HCN4: variants seen among roughly 807,000 people sequenced by gnomAD.
The protein encoded by HCN4 is hyperpolarization activated cyclic nucleotide gated potassium channel 4, also known as potassium/sodium hyperpolarization-activated cyclic nucleotide-gated channel 4.
A neutral mutation model predicts 76.9 loss-of-function variants in HCN4; 29 were observed. The ratio of observed to expected loss-of-function variants is 0.38; its 90% confidence interval spans 0.28 to 0.51. The LOEUF is 0.51. Among genes scored for constraint, HCN4 ranks in the 20% least tolerant of loss-of-function variants. The probability of loss-of-function intolerance (pLI) is 0.90; values close to 1 mark genes in which losing one functional copy is unlikely to be tolerated. For missense variants in HCN4, 1,416 were observed against 1,715.2 expected, an observed-to-expected ratio of 0.83 and a Z score of 3.08; for synonymous variants, 772 against 762.5, an observed-to-expected ratio of 1.01 and a Z score of -0.21.
chr15:73,364,622 T>TG, intron 1 of HCN4, among the ~76,000 whole-genome samples: 1 of 150,184 alleles, frequency 6.7e-6, no homozygotes, highest in South Asian at 2.1e-4. Context: ...AAAAGGCAGA[T>TG]GGGGAGTTGG....
intron 4 of HCN4, among the ~76,000 whole-genome samples, chr15:73,327,760 C>T (rs1437752132): frequency 2.0e-5 from 3 of 152,172 alleles, no homozygotes; most frequent in African/African-American, 4.8e-5. Context: ...TGCTCATCCT[C>T]ATCCTGATGC....
At position 73,322,982 on chromosome 15, in the gene HCN4, G is replaced by A; in HGVS notation, c.3111C>T (p.Thr1037=). The part of the protein sequence containing the change: ...PPGHSPGPPR[T]FPSAPPRASG... ...AGGCCCGGGGCGGGGCACTCGGGAA[G>A]GTTCTTGGGGGGCCTGGGCTGTGGC... Residue 1037 remains threonine, a synonymous_variant, in exon 8 of 8, where the codon ACC becomes ACT. Coordinates refer to ENST00000261917, the MANE Select transcript of HCN4 (RefSeq NM_005477.3). The A allele has an allele frequency of 1.4e-6, 2 of 1,446,646 alleles. No individual in the cohort carries two copies. Among genetic ancestry groups the A allele is most frequent in the Non-Finnish European group, 1.8e-6 (2 of 1,099,272 alleles). 89.6% of individuals were successfully genotyped at this position (1,446,646 alleles called of 1,614,324 possible).
Position 73,367,395 on chromosome 15 carries a change from G to A in HCN4, c.785+91C>T. ...TCTTGGAGCTCCCAGCGCAAGGCAG[G>A]AAAGTTAACTCCGGCTGGGAGGCAG... On this transcript the variant is annotated intron_variant, in intron 1 of 7. Transcript: ENST00000261917. This position sits in a 1 kb window ranked among gnomAD's most constrained non-coding sequence, Gnocchi z 7.5. 6.3e-7 allele frequency: 1 copy of A among 1,587,706 alleles called. No homozygotes were observed. Among genetic ancestry groups the A allele is most frequent in the Non-Finnish European group, 8.6e-7 (1 of 1,167,340 alleles).
intron 1 of HCN4, among the ~76,000 whole-genome samples, chr15:73,356,819 C>T (rs2043083357): frequency 6.6e-6 from 1 of 151,958 alleles, no homozygotes; most frequent in African/African-American, 2.4e-5. Flanking sequence ...TCCTCACAAC[C>T]CACAAGGAAA....
chr15:73,353,039 T>C (rs1042894045), intron 1 of HCN4, among the ~76,000 whole-genome samples: 5 of 151,914 alleles, frequency 3.3e-5, no homozygotes, highest in African/African-American at 1.2e-4. Context: ...GATGGATGGA[T>C]GGATGGATGG....
In HCN4 at chr15:73,320,775, T is replaced by TC. The variant is rs781306650; in HGVS notation, c.*1705dup. On this transcript the variant is annotated 3_prime_UTR_variant, in exon 8 of 8. Transcript: ENST00000261917. Reference sequence around the variant, plus strand: ...CCACTCCACATCCACCTCAGGAATCTCCCCACCATACACTCCATCCCACCC... The same window carrying TC: ...CCACTCCACATCCACCTCAGGAATCTCCCCCACCATACACTCCATCCCACCC... 17 of 152,064 alleles carry TC rather than the reference T, an allele frequency of 1.1e-4. No homozygotes were observed. The highest frequency in any genetic ancestry group is 2.2e-4 in the Non-Finnish European group (15 of 68,052). 9.4% of individuals were successfully genotyped at this position (152,064 alleles called of 1,614,324 possible).
At chr15:73,364,626 G>C (rs1330445987) in intron 1 of HCN4, among the ~76,000 whole-genome samples, 1 of 152,164 alleles carries the variant, frequency 6.6e-6, no homozygotes, top group Non-Finnish European at 1.5e-5. Flanking sequence ...GGCAGATGGG[G>C]AGTTGGAGGG....
chr15:73,365,841 G>C (rs560743452), intron 1 of HCN4, among the ~76,000 whole-genome samples: 1 of 152,122 alleles, frequency 6.6e-6, no homozygotes. Flanking sequence ...CAGCAATCTC[G>C]AGGGGTTGGT....
chr15:73,368,185 T>C lies in HCN4; in HGVS notation c.86A>G (p.Glu29Gly), dbSNP rs991540673. 1.5e-5 allele frequency: 23 copies of C among 1,533,386 alleles called. No individual in the cohort carries two copies. The highest frequency in any genetic ancestry group is 1.8e-5 in the Non-Finnish European group (21 of 1,141,620). The allele number at this position is 1,533,386 out of a possible 1,614,324, so 95.0% of individuals were successfully genotyped here. A position where few individuals can be genotyped will look rare whatever the true frequency, so the allele number is the denominator to read the frequency against. The change falls in exon 1 of 8, where the codon GAA becomes GGA. Residue 29 changes from glutamate (E) to glycine (G), a missense_variant. Coordinates refer to ENST00000261917, the MANE Select transcript of HCN4 (RefSeq NM_005477.3). The surrounding 1 kb of genome is among the most constrained non-coding windows in gnomAD (Gnocchi z 6.9). ...GGCCCCCTCCTCCTCGGCGTCCTCT[T>C]CCTCGTCCATGATCCACGCCTTGGC... ...VGAKAWIMDE[E>G]EDAEEEGAGG...
chr15:73,354,264 A>G (rs757106252), intron 1 of HCN4, among the ~76,000 whole-genome samples: 3 of 152,184 alleles, frequency 2.0e-5, no homozygotes, highest in Non-Finnish European at 4.4e-5. Context: ...GTACCTCCCC[A>G]TCCTGGGCTG....
In HCN4 at chr15:73,367,370, T is replaced by C; in HGVS notation, c.785+116A>G. The C allele has an allele frequency of 1.3e-6, 2 of 1,508,964 alleles. No homozygotes were observed. The highest frequency in any genetic ancestry group is 1.8e-6 in the Non-Finnish European group (2 of 1,118,524). 93.5% of individuals were successfully genotyped at this position (1,508,964 alleles called of 1,614,324 possible). A position where few individuals can be genotyped will look rare whatever the true frequency, so the allele number is the denominator to read the frequency against. ...TCGGAGCCTAGAGGCGCCCTGCCTC[T>C]CTTGGAGCTCCCAGCGCAAGGCAGG... On this transcript the variant is annotated intron_variant, in intron 1 of 7. Coordinates refer to ENST00000261917, the MANE Select transcript of HCN4 (RefSeq NM_005477.3). This position sits in a 1 kb window ranked among gnomAD's most constrained non-coding sequence, Gnocchi z 7.5.
In HCN4 at chr15:73,368,278, GGGGCCGGGGTCGGACC is replaced by G; in HGVS notation, c.-24_-9del. ...CGGCGGCAGCTTGTCCATGGCGCCA[GGGGCCGGGGTCGGACC>G]GGGCCGGGGGCAGGAGCGCGGCGCC... On this transcript the variant is annotated 5_prime_UTR_variant, in exon 1 of 8. Transcript: ENST00000261917. This position sits in a 1 kb window ranked among gnomAD's most constrained non-coding sequence, Gnocchi z 6.9. 1.3e-6 allele frequency: 2 copies of G among 1,484,330 alleles called. No individual in the cohort carries two copies. The highest frequency in any genetic ancestry group is 2.9e-5 in the East Asian group (1 of 34,742). The allele number at this position is 1,484,330 out of a possible 1,614,324, so 91.9% of individuals were successfully genotyped here.
At chr15:73,362,122 G>A (rs1285977405) in intron 1 of HCN4, among the ~76,000 whole-genome samples, 1 of 152,190 alleles carries the variant, frequency 6.6e-6, no homozygotes, top group South Asian at 2.1e-4. Context: ...CAGCATGCGG[G>A]ACCAGCAGCG....
Position 73,353,004 on chromosome 15 carries a change from A to AGATGGATG in HCN4, c.786-9204_786-9197dup, listed in dbSNP as rs756120632. ...CTTATTGTTAAATGGATGGATGGAC[A>AGATGGATG]GATGGATGGATGGATGGATGGATGG... On this transcript the variant is annotated intron_variant, in intron 1 of 7. Transcript: ENST00000261917. Among the ~76,000 whole-genome samples, 1,423 of 150,920 alleles carry AGATGGATG rather than the reference A, an allele frequency of 9.4e-3. 7 individuals carry two copies. The highest frequency in any genetic ancestry group is 0.018 in the East Asian group (92 of 5,132).
chr15:73,342,201 C>A (rs1595828551), intron 2 of HCN4: 1 of 152,264 alleles, frequency 6.6e-6, no homozygotes, highest in African/African-American at 2.4e-5. Flanking sequence ...CCCAGCAAAG[C>A]CCTTAGCTCC....
chr15:73,348,448 AT>A, intron 1 of HCN4, among the ~76,000 whole-genome samples: 1 of 152,176 alleles, frequency 6.6e-6, no homozygotes, highest in East Asian at 1.9e-4. Context: ...CCATGAATAC[AT>A]TTTTTGTAAA....
chr15:73,341,069 G>GGGGTGTGTGTGTGTGTGT (rs1491312112), intron 2 of HCN4: 2 of 145,864 alleles, frequency 1.4e-5, no homozygotes, highest in African/African-American at 5.2e-5. Context: ...GAGGGAGGTA[G>GGGGTGTGTGTGTGTGTGT]GTGTGTGTGT....
intron 1 of HCN4, among the ~76,000 whole-genome samples, chr15:73,354,941 T>A (rs2151224459): frequency 6.6e-6 from 1 of 152,250 alleles, no homozygotes; most frequent in East Asian, 1.9e-4. Flanking sequence ...CCAGGCCAGC[T>A]CCATGGGCAG....
At position 73,322,876 on chromosome 15, in the gene HCN4, G is replaced by T; in HGVS notation, c.3217C>A (p.Pro1073Thr). 1 of 1,476,328 alleles carries T rather than the reference G, an allele frequency of 6.8e-7. No individual in the cohort carries two copies. Among genetic ancestry groups the T allele is most frequent in the East Asian group, 2.3e-5 (1 of 42,956 alleles). The allele number at this position is 1,476,328 out of a possible 1,614,324, so 91.5% of individuals were successfully genotyped here. A position where few individuals can be genotyped will look rare whatever the true frequency, so the allele number is the denominator to read the frequency against. Residue 1073 changes from proline to threonine, a missense_variant, in exon 8 of 8, where the codon CCG (proline) becomes ACG (threonine). Around this residue, in one of 6 missense-constraint regions of HCN4, gnomAD observed 633 missense variants for 579.8 expected, o/e 1.09. Transcript: ENST00000261917. ...TGGGTGAGGCGGCCGGGGGTGAGCG[G>T]GGGTGTGCCCCGGCGCTGGGGGACC... ...PQVPQRRGTPPLTPGRLTQDL... is the reference protein window; with the variant it reads ...PQVPQRRGTPTLTPGRLTQDL...
Sources: gnomAD v4.1 joint callset for allele counts (sites outside exome capture counted in the v4.1 genomes callset) on GRCh38, gnomAD v4.1.1 for gene constraint, gnomAD v4.1.1 regional missense constraint, Gnocchi (gnomAD v3.1) non-coding constraint, MANE v1.5 for transcripts, NCBI Gene and HGNC (gene_info 2026-07-23, HGNC 2026-07-21) for gene names.